SCNN1G: variants seen among roughly 807,000 people sequenced by gnomAD.
The protein encoded by SCNN1G is sodium channel epithelial 1 subunit gamma, also known as epithelial sodium channel subunit gamma.
Under a neutral mutation model 64.6 loss-of-function variants are expected in SCNN1G, and 27 were observed. That is an observed-to-expected ratio of 0.42 (90% CI 0.31 to 0.58). SCNN1G has a LOEUF of 0.58. Among genes scored for constraint, SCNN1G ranks in the 20% least tolerant of loss-of-function variants. The pLI is 0.18. For missense variants in SCNN1G, 743 were observed against 823.4 expected (o/e 0.90, Z 1.19); for synonymous variants, 330 against 314.2 (o/e 1.05, Z -0.53).
chr16:23,209,494 AC>A (rs1960044314), intron 6 of SCNN1G, among the ~76,000 whole-genome samples: 1 of 152,106 alleles, frequency 6.6e-6, no homozygotes, highest in African/African-American at 2.4e-5. Flanking sequence ...TTGCTTGCTG[AC>A]CATTTGTTTA....
chr16:23,196,701 C>G (rs543943253), intron 5 of SCNN1G, among the ~76,000 whole-genome samples: 28 of 152,286 alleles, frequency 1.8e-4, no homozygotes, highest in Non-Finnish European at 3.1e-4. Context: ...AGGTCACAGC[C>G]GATCCATGGC....
intron 6 of SCNN1G, among the ~76,000 whole-genome samples, chr16:23,204,557 T>C (rs1251931262): frequency 6.7e-6 from 1 of 148,324 alleles, no homozygotes; most frequent in East Asian, 2.0e-4. Context: ...GTACATTATA[T>C]ATAAAAGATA....
At position 23,215,463 on chromosome 16, in the gene SCNN1G, GCT is replaced by G. The variant is rs781060718; in HGVS notation, c.1947_1948del (p.Ter650ArgfsTer4). The G allele has an allele frequency of 6.2e-7, 1 of 1,609,664 alleles. No individual in the cohort carries two copies. Among genetic ancestry groups the G allele is most frequent in the Admixed American group, 1.7e-5 (1 of 60,028 alleles). ...QLTDTQMLDE[L>X] ...TCACAGATACCCAGATGCTGGATGA[GCT>G]CTGAGGCAGGGTTGAGAAGACAGAT... On this transcript the variant is annotated frameshift_variant, in exon 13 of 13. Transcript: ENST00000300061. LOFTEE classifies it high-confidence loss of function.
chr16:23,199,253 C>G (rs1156697778), intron 6 of SCNN1G, among the ~76,000 whole-genome samples: 2 of 152,342 alleles, frequency 1.3e-5, no homozygotes, highest in Middle Eastern at 3.4e-3. Flanking sequence ...ATATTTCTCA[C>G]TTAATGCTAT....
At chr16:23,197,533 G>A (rs1596768041) in intron 6 of SCNN1G, 106 bp downstream of exon 6, 8 of 1,022,014 alleles carry the variant, frequency 7.8e-6, no homozygotes, top group Admixed American at 1.9e-5. Flanking sequence ...TGTTTCAAAA[G>A]GGAACATGGT....
intron 6 of SCNN1G, among the ~76,000 whole-genome samples, chr16:23,208,763 G>A (rs1283193609): frequency 6.9e-6 from 1 of 145,712 alleles, no homozygotes; most frequent in African/African-American, 2.6e-5. Context: ...TTCAAAATAG[G>A]GTCTTCCTCT....
chr16:23,215,982 A>G lies in SCNN1G; in HGVS notation c.*513A>G, dbSNP rs1409620172. 1 of 205,204 alleles carries G rather than the reference A, an allele frequency of 4.9e-6. No homozygotes were observed. Among genetic ancestry groups the G allele is most frequent in the African/African-American group, 2.3e-5 (1 of 42,690 alleles). The allele number at this position is 205,204 out of a possible 1,614,324, so 12.7% of individuals were successfully genotyped here. ...GCCGTTTGTGAATAAACTGTTCTTCATCATTGACACTGGAGAAAGGTGTCC... is the reference window on the plus strand; with the variant it reads ...GCCGTTTGTGAATAAACTGTTCTTCGTCATTGACACTGGAGAAAGGTGTCC... On this transcript the variant is annotated 3_prime_UTR_variant, in exon 13 of 13. Transcript: ENST00000300061.
intron 3 of SCNN1G, among the ~76,000 whole-genome samples, chr16:23,190,948 A>G (rs1257162912): frequency 7.2e-6 from 1 of 137,972 alleles, no homozygotes; most frequent in Non-Finnish European, 1.5e-5. Context: ...GGTTCAAGTG[A>G]TTCTCCTGCC....
At chr16:23,191,564 T>C (rs1352506075) in intron 3 of SCNN1G, among the ~76,000 whole-genome samples, 1 of 152,316 alleles carries the variant, frequency 6.6e-6, no homozygotes, top group African/African-American at 2.4e-5. Context: ...TAGCTTGGAC[T>C]ACAAGAATGC....
intron 6 of SCNN1G, among the ~76,000 whole-genome samples, chr16:23,204,334 T>TATATATAG (rs1567267153): frequency 1.3e-4 from 2 of 15,172 alleles, no homozygotes; most frequent in African/African-American, 5.6e-4. Flanking sequence ...TATATATATA[T>TATATATAG]AGAGAGAGAG....
At chr16:23,203,489 G>A (rs529351300) in intron 6 of SCNN1G, among the ~76,000 whole-genome samples, 1 of 152,146 alleles carries the variant, frequency 6.6e-6, no homozygotes, top group South Asian at 2.1e-4. Context: ...CGCTCTGATG[G>A]GTCAGGCGCG....
At chr16:23,203,492 C>A (rs1596771773) in intron 6 of SCNN1G, among the ~76,000 whole-genome samples, 1 of 152,048 alleles carries the variant, frequency 6.6e-6, no homozygotes, top group East Asian at 1.9e-4. Flanking sequence ...TCTGATGGGT[C>A]AGGCGCGGTG....
intron 6 of SCNN1G, 39 bp downstream of exon 6, chr16:23,197,466 C>G (rs1311335476): frequency 6.3e-7 from 1 of 1,584,308 alleles, no homozygotes; most frequent in Non-Finnish European, 8.7e-7. Context: ...TTGGAGAGAA[C>G]AGATCTTTTT....
chr16:23,212,223 C>T (rs1960091142), intron 8 of SCNN1G, 72 bp downstream of exon 8: 3 of 951,166 alleles, frequency 3.2e-6, no homozygotes, highest in Non-Finnish European at 5.2e-6. Context: ...ATAGGCACTC[C>T]TGGGACTCCA....
At position 23,186,538 on chromosome 16, in the gene SCNN1G, C is replaced by T. The variant is rs1261717903; in HGVS notation, c.267C>T (p.Phe89=). 6.2e-7 allele frequency: 1 copy of T among 1,613,844 alleles called. No individual in the cohort carries two copies. The highest frequency in any genetic ancestry group is 8.5e-7 in the Non-Finnish European group (1 of 1,180,036). Residue 89 remains phenylalanine, a synonymous_variant, in exon 2 of 13, where the codon TTC becomes TTT. Transcript: ENST00000300061. ...TCTCAGTTTCCATCAAAGTCCACTT[C>T]CGGAAGCTGGATTTTCCTGCAGTCA... The part of the protein sequence containing the change: ...YTVSVSIKVH[F]RKLDFPAVTI...
In SCNN1G at chr16:23,197,363, C is replaced by T. The variant is rs141248272; in HGVS notation, c.1013C>T (p.Pro338Leu). 1 of 1,613,998 alleles carries T rather than the reference C, an allele frequency of 6.2e-7. No individual in the cohort carries two copies. Residue 338 changes from proline to leucine, a missense_variant, in exon 6 of 13, where the codon CCC becomes CTC. Pro to Leu is a moderately conservative substitution (Grantham distance 98). Coordinates refer to ENST00000300061, the MANE Select transcript of SCNN1G (RefSeq NM_001039.4). Reference sequence around the variant, plus strand: ...ATCATCCATCGGCAGGATGAGTATCCCTTCGTCGAAGATGTGGGAACAGAG... The same window carrying T: ...ATCATCCATCGGCAGGATGAGTATCTCTTCGTCGAAGATGTGGGAACAGAG... ...KVIIHRQDEY[P>L]FVEDVGTEIE...
At chr16:23,186,729 C>T (rs1959613155) in intron 2 of SCNN1G, 141 bp downstream of exon 2, 1 of 761,098 alleles carries the variant, frequency 1.3e-6, no homozygotes, top group Admixed American at 2.1e-5. Context: ...GAATTTGTTG[C>T]TAACGCTGGT....
At chr16:23,183,135 C>A (rs1336631101) in intron 1 of SCNN1G, among the ~76,000 whole-genome samples, 1 of 152,244 alleles carries the variant, frequency 6.6e-6, no homozygotes, top group Non-Finnish European at 1.5e-5. Flanking sequence ...CGGGGTGAGT[C>A]GCGTGGACCT....
chr16:23,185,423 G>A (rs1466569809), intron 1 of SCNN1G, among the ~76,000 whole-genome samples: 3 of 152,154 alleles, frequency 2.0e-5, no homozygotes, highest in Non-Finnish European at 4.4e-5. Context: ...CGTGCACATT[G>A]ATGAATGTGA....
Sources: allele counts gnomAD v4.1 joint callset (sites outside exome capture counted in the v4.1 genomes callset), GRCh38; gene constraint gnomAD v4.1.1; transcripts MANE v1.5; gene names NCBI Gene and HGNC (gene_info 2026-07-23, HGNC 2026-07-21).